ADAMTSL3: variants seen among roughly 807,000 people sequenced by gnomAD.
The protein encoded by ADAMTSL3 is ADAMTS like 3.
In ADAMTSL3, 128 loss-of-function variants were observed where a neutral mutation model predicts 201.7. That is an observed-to-expected ratio of 0.63 (90% CI 0.55 to 0.73). The LOEUF (loss-of-function observed/expected upper bound fraction) is 0.73. ADAMTSL3 is among the 30% of genes least tolerant of loss of function. The pLI is 0.00. For missense variants in ADAMTSL3, 1,990 were observed against 2,119.6 expected (o/e 0.94, Z 1.20); for synonymous variants, 738 against 748.4 (o/e 0.99, Z 0.23).
chr15:83,997,090 T>A (rs1048981767), intron 23 of ADAMTSL3, among the ~76,000 whole-genome samples: 7 of 152,180 alleles, frequency 4.6e-5, no homozygotes, highest in Admixed American at 2.0e-4. Flanking sequence ...AAGTCAAAGA[T>A]GCTCAAAACC....
chr15:83,705,590 G>A (rs1236813936), intron 3 of ADAMTSL3, among the ~76,000 whole-genome samples: 1 of 152,224 alleles, frequency 6.6e-6, no homozygotes, highest in Non-Finnish European at 1.5e-5. Context: ...GGTGGGCTGG[G>A]AGAAGGATGA....
At position 83,889,949 on chromosome 15, in the gene ADAMTSL3, T is replaced by C. The variant is rs12592484; in HGVS notation, c.1073-160T>C. ...ATGAAGGAACCTGGGCATTAGAGTA[T>C]ATTAAAAGCTCCCATGTGGTTCTGT... On this transcript the variant is annotated intron_variant, in intron 10 of 29. Coordinates refer to ENST00000286744, the MANE Select transcript of ADAMTSL3 (RefSeq NM_207517.3). Among the ~76,000 whole-genome samples, 7,143 of 152,166 alleles carry C rather than the reference T, an allele frequency of 0.047. 237 individuals carry two copies. Among genetic ancestry groups the C allele is most frequent in the East Asian group, 0.2 (1,023 of 5,174 alleles).
chr15:83,975,051 G>C (rs1003063669), intron 20 of ADAMTSL3, among the ~76,000 whole-genome samples: 3 of 143,932 alleles, frequency 2.1e-5, no homozygotes, highest in African/African-American at 7.9e-5. Context: ...GCCTAGGCTG[G>C]AGTGCAGTGG....
At chr15:83,789,040 A>G (rs1596211127) in intron 4 of ADAMTSL3, among the ~76,000 whole-genome samples, 1 of 151,970 alleles carries the variant, frequency 6.6e-6, no homozygotes. Context: ...CAAACTCCTG[A>G]CCTCAGGTGA....
intron 17 of ADAMTSL3, among the ~76,000 whole-genome samples, chr15:83,924,538 A>G (rs2066212797): frequency 6.6e-6 from 1 of 152,148 alleles, no homozygotes; most frequent in Non-Finnish European, 1.5e-5. Flanking sequence ...GGGGTATAAT[A>G]TTATAAACCC....
At chr15:83,940,653 A>G (rs1178068923) in intron 17 of ADAMTSL3, among the ~76,000 whole-genome samples, 2 of 152,180 alleles carry the variant, frequency 1.3e-5, no homozygotes, top group East Asian at 1.9e-4. Flanking sequence ...ACCACATCAC[A>G]GACCCTGTAT....
chr15:83,772,791 C>T (rs1002790064), intron 3 of ADAMTSL3, among the ~76,000 whole-genome samples: 5 of 151,762 alleles, frequency 3.3e-5, no homozygotes, highest in South Asian at 2.1e-4. Context: ...CTTCAACCTC[C>T]GCCTCCCTGG....
intron 9 of ADAMTSL3, among the ~76,000 whole-genome samples, chr15:83,884,425 G>A (rs887750361): frequency 4.0e-5 from 6 of 148,206 alleles, no homozygotes; most frequent in Non-Finnish European, 8.9e-5. Context: ...CAAGCATGTG[G>A]CACCATGCTG....
intron 15 of ADAMTSL3, among the ~76,000 whole-genome samples, chr15:83,900,670 A>G (rs939631498): frequency 6.6e-5 from 10 of 152,232 alleles, no homozygotes; most frequent in African/African-American, 2.2e-4. Context: ...ACCTTCAGCA[A>G]TGGGCAGAGT....
At chr15:83,931,078 T>C (rs781510243) in intron 17 of ADAMTSL3, among the ~76,000 whole-genome samples, 1 of 152,222 alleles carries the variant, frequency 6.6e-6, no homozygotes, top group Non-Finnish European at 1.5e-5. Flanking sequence ...ATCCTATAAC[T>C]GCTGAGTGCC....
At chr15:83,694,953 A>C (rs2061659727) in intron 2 of ADAMTSL3, among the ~76,000 whole-genome samples, 1 of 152,182 alleles carries the variant, frequency 6.6e-6, no homozygotes, top group African/African-American at 2.4e-5. Flanking sequence ...AATGTGTTCT[A>C]GCAAGATCTT....
At chr15:83,865,418 T>C (rs961665775) in intron 8 of ADAMTSL3, among the ~76,000 whole-genome samples, 33 of 152,218 alleles carry the variant, frequency 2.2e-4, no homozygotes, top group African/African-American at 7.9e-4. Flanking sequence ...AACAGAGATA[T>C]AGACCAATGG....
chr15:83,815,847 A>G (rs1265683242), intron 5 of ADAMTSL3, among the ~76,000 whole-genome samples: 1 of 152,214 alleles, frequency 6.6e-6, no homozygotes, highest in Non-Finnish European at 1.5e-5. Context: ...CCATTTATAG[A>G]GTGAGGGTAA....
intron 19 of ADAMTSL3, among the ~76,000 whole-genome samples, chr15:83,943,876 A>G (rs2066608238): frequency 6.6e-6 from 1 of 152,212 alleles, no homozygotes; most frequent in African/African-American, 2.4e-5. Context: ...AATCAAGTAC[A>G]GTAGTCCCAG....
intron 3 of ADAMTSL3, among the ~76,000 whole-genome samples, chr15:83,716,940 G>A (rs1158459952): frequency 6.6e-6 from 1 of 152,062 alleles, no homozygotes; most frequent in Non-Finnish European, 1.5e-5. Context: ...TTATAATTGG[G>A]AAAAGGCAAG....
rs542126341 is a variant in ADAMTSL3, at chr15:83,729,982, G to A, written c.189+25474G>A. On this transcript the variant is annotated intron_variant, in intron 3 of 29. Transcript: ENST00000286744. ...ACTGCAGCCATACTTGCTTTAATGG[G>A]CACCCCAAGCCCAATAACCCTGTGG... 9.9e-5 allele frequency among the ~76,000 whole-genome samples: 15 copies of A among 152,112 alleles called. No homozygotes were observed. In the East Asian group the frequency reaches 2.3e-3, roughly 24 times the overall value.
intron 3 of ADAMTSL3, among the ~76,000 whole-genome samples, chr15:83,722,234 AG>A (rs1271353599): frequency 1.3e-5 from 2 of 152,220 alleles, no homozygotes; most frequent in Admixed American, 6.5e-5. Context: ...GGATAAGGAC[AG>A]GGAAATAAAA....
At chr15:83,710,162 A>T (rs2061913878) in intron 3 of ADAMTSL3, among the ~76,000 whole-genome samples, 1 of 152,178 alleles carries the variant, frequency 6.6e-6, no homozygotes, top group African/African-American at 2.4e-5. Flanking sequence ...TTAGAGAACT[A>T]CCTTGATCTC....
chr15:84,032,145 C>T (rs2068421228), intron 28 of ADAMTSL3, among the ~76,000 whole-genome samples: 1 of 152,112 alleles, frequency 6.6e-6, no homozygotes, highest in African/African-American at 2.4e-5. Context: ...TGCCTAGCCA[C>T]CTAATCTGCA....
Sources: gnomAD v4.1 joint callset for allele counts (sites outside exome capture counted in the v4.1 genomes callset) on GRCh38, gnomAD v4.1.1 for gene constraint, MANE v1.5 for transcripts, NCBI Gene and HGNC (gene_info 2026-07-23, HGNC 2026-07-21) for gene names.